The following ARID1B variants were observed in gnomAD, a reference collection of about 807,000 sequenced individuals.
ARID1B encodes the protein AT-rich interaction domain 1B.
ARID1B carries 30 observed loss-of-function variants against 212.3 expected under a neutral mutation model. The observed-to-expected ratio is 0.14, with a 90% confidence interval of 0.11 to 0.19. ARID1B has a LOEUF of 0.19. Among genes scored for constraint, ARID1B ranks in the 10% least tolerant of loss-of-function variants. The pLI is 1.00. For missense variants in ARID1B, 2,891 were observed against 3,204.0 expected (o/e 0.90, Z 2.36); for synonymous variants, 1,402 against 1,301.7 (o/e 1.08, Z -1.66).
intron 4 of ARID1B, among the ~76,000 whole-genome samples, chr6:156,979,040 TTA>T (rs570643867): frequency 6.4e-4 from 97 of 152,336 alleles, no homozygotes; most frequent in African/African-American, 2.3e-3. Flanking sequence ...TCGTCAGTGC[TTA>T]TGTTTCTGTA....
rs115349068 is a variant in ARID1B, at chr6:156,933,135, T to C, written c.2137-2331T>C. Among the ~76,000 whole-genome samples, 551 of 152,278 alleles carry C rather than the reference T, an allele frequency of 3.6e-3. 4 individuals carry two copies. The highest frequency in any genetic ancestry group is 0.011 in the African/African-American group (444 of 41,550). ...TTGTAATGATCTTTTTCAGCCTCTT[T>C]AGAAAGCAGTTCATTGAGCGAAGAA... On this transcript the variant is annotated intron_variant, in intron 3 of 19. Transcript: ENST00000636930.
rs2128463362 is a variant in ARID1B, at chr6:157,084,882, C to G, written c.2468C>G (p.Pro823Arg). Residue 823 changes from proline to arginine, a missense_variant, in exon 5 of 20, where the codon CCA becomes CGA. Around this residue, in one of 7 missense-constraint regions of ARID1B, gnomAD observed 1,643 missense variants for 1,544.0 expected, o/e 1.06. Coordinates refer to ENST00000636930, the MANE Select transcript of ARID1B (RefSeq NM_001374828.1). ...PVGSNQSRSGPISPASIPGSQ... is the reference protein window; with the variant it reads ...PVGSNQSRSGRISPASIPGSQ... ...GGAAGCAACCAGTCTCGATCTGGCC[C>G]AATCTCTCCTGCAAGTATCCCAGGT... The G allele has an allele frequency of 6.2e-7, 1 of 1,613,658 alleles. No individual in the cohort carries two copies. The highest frequency in any genetic ancestry group is 8.5e-7 in the Non-Finnish European group (1 of 1,179,752).
At chr6:156,915,728 T>A (rs1790297901) in intron 3 of ARID1B, among the ~76,000 whole-genome samples, 1 of 152,044 alleles carries the variant, frequency 6.6e-6, no homozygotes, top group East Asian at 1.9e-4. Context: ...AAACCCTGTC[T>A]CTACTAAAAA....
chr6:156,921,689 C>T (rs1021389029), intron 3 of ARID1B, among the ~76,000 whole-genome samples: 2 of 152,012 alleles, frequency 1.3e-5, no homozygotes, highest in East Asian at 3.9e-4. Flanking sequence ...ATCAAATGAT[C>T]CATTTTAACA....
intron 8 of ARID1B, among the ~76,000 whole-genome samples, chr6:157,163,149 T>G (rs1038156851): frequency 5.3e-5 from 8 of 152,182 alleles, no homozygotes; most frequent in African/African-American, 1.9e-4. Context: ...TTTGGAGCCG[T>G]CCAAATGTTG....
In ARID1B at chr6:156,778,862, CGGCGGCGGCGGAGGAGGAGGAGG is replaced by C; in HGVS notation, c.1183_1205del (p.Gly395GlnfsTer215). The C allele has an allele frequency of 7.1e-7, 1 of 1,399,024 alleles. No homozygotes were observed. Among genetic ancestry groups the C allele is most frequent in the Non-Finnish European group, 9.3e-7 (1 of 1,073,610 alleles). 86.7% of individuals were successfully genotyped at this position (1,399,024 alleles called of 1,614,324 possible). On this transcript the variant is annotated frameshift_variant, in exon 1 of 20. Coordinates refer to ENST00000636930, the MANE Select transcript of ARID1B (RefSeq NM_001374828.1). LOFTEE classifies it high-confidence loss of function. ...GGCCCGGCGCGGGCGGCGGCGGCGG[CGGCGGCGGCGGAGGAGGAGGAGG>C]CAGCGGAGGAGGAGGAGGAGGAGGA...
intron 1 of ARID1B, among the ~76,000 whole-genome samples, chr6:156,787,028 A>C (rs1283201634): frequency 6.7e-6 from 1 of 150,168 alleles, no homozygotes; most frequent in Non-Finnish European, 1.5e-5. Context: ...TTGTTGTGAT[A>C]TAGTTGATGT....
At chr6:157,138,920 G>A (rs1789135873) in intron 7 of ARID1B, among the ~76,000 whole-genome samples, 1 of 152,148 alleles carries the variant, frequency 6.6e-6, no homozygotes, top group Non-Finnish European at 1.5e-5. Flanking sequence ...TTATTTCATA[G>A]CAAAGGATAG....
intron 4 of ARID1B, among the ~76,000 whole-genome samples, chr6:156,971,039 A>G (rs960706469): frequency 6.6e-6 from 1 of 152,222 alleles, no homozygotes; most frequent in Non-Finnish European, 1.5e-5. Flanking sequence ...GTCCTCATTC[A>G]TCTTCATCCT....
At chr6:157,004,086 G>A (rs911270009) in intron 4 of ARID1B, among the ~76,000 whole-genome samples, 3 of 151,754 alleles carry the variant, frequency 2.0e-5, no homozygotes, top group African/African-American at 7.3e-5. Flanking sequence ...AATTTTTTTT[G>A]TAGAGATGAG....
chr6:156,916,671 C>G (rs950012780), intron 3 of ARID1B, among the ~76,000 whole-genome samples: 3 of 152,116 alleles, frequency 2.0e-5, no homozygotes, highest in African/African-American at 7.2e-5. Flanking sequence ...GCATCACATG[C>G]AGGTCTGCTT....
intron 4 of ARID1B, among the ~76,000 whole-genome samples, chr6:156,976,617 G>T (rs1422763481): frequency 1.3e-5 from 2 of 152,168 alleles, no homozygotes; most frequent in African/African-American, 4.8e-5. Flanking sequence ...ACCCGAGCCA[G>T]CAACGGCAAC....
At chr6:156,949,285 A>G (rs934249143) in intron 4 of ARID1B, among the ~76,000 whole-genome samples, 1 of 152,124 alleles carries the variant, frequency 6.6e-6, no homozygotes, top group East Asian at 1.9e-4. Flanking sequence ...TCAGATATAT[A>G]TATCTAAATA....
intron 4 of ARID1B, among the ~76,000 whole-genome samples, chr6:157,049,524 T>C (rs913689440): frequency 6.6e-6 from 1 of 152,230 alleles, no homozygotes; most frequent in African/African-American, 2.4e-5. Context: ...AAGCATTTAA[T>C]TGGCTGTTTC....
At chr6:156,897,917 C>G (rs965496537) in intron 2 of ARID1B, among the ~76,000 whole-genome samples, 4 of 152,156 alleles carry the variant, frequency 2.6e-5, no homozygotes, top group Non-Finnish European at 5.9e-5. Flanking sequence ...TTCAACAGTA[C>G]TTATCATTCA....
intron 4 of ARID1B, chr6:156,943,166 A>T (rs1792803663): frequency 6.6e-6 from 1 of 152,138 alleles, no homozygotes; most frequent in Admixed American, 6.6e-5. Flanking sequence ...CCTTCTCTAA[A>T]TTGTTGTAAA....
chr6:156,975,762 C>T (rs559482475), intron 4 of ARID1B, among the ~76,000 whole-genome samples: 33 of 152,154 alleles, frequency 2.2e-4, no homozygotes, highest in African/African-American at 7.7e-4. Flanking sequence ...CTCTTCCCCC[C>T]ATCTTTCCAT....
intron 1 of ARID1B, among the ~76,000 whole-genome samples, chr6:156,823,388 G>A (rs1005209778): frequency 6.6e-6 from 1 of 152,016 alleles, no homozygotes; most frequent in Non-Finnish European, 1.5e-5. Context: ...CAGTGTACTC[G>A]AGGTCCCTGG....
chr6:157,174,742 T>A (rs1198311733), intron 10 of ARID1B, 105 bp from the exon 11 acceptor site: 3 of 308,386 alleles, frequency 9.7e-6, no homozygotes, highest in Non-Finnish European at 1.1e-5. Flanking sequence ...ATATATATAA[T>A]ATATATAAAA....
Sources: allele counts gnomAD v4.1 joint callset (sites outside exome capture counted in the v4.1 genomes callset), GRCh38; gene constraint gnomAD v4.1.1; regional missense constraint gnomAD v4.1.1; transcripts MANE v1.5; gene names NCBI Gene and HGNC (gene_info 2026-07-23, HGNC 2026-07-21).